The following ATE1 variants were observed in gnomAD, a reference collection of about 807,000 sequenced individuals.
ATE1 encodes the protein arginyl-tRNA--protein transferase 1.
ATE1 carries 36 observed loss-of-function variants against 70.5 expected under a neutral mutation model. The ratio of observed to expected loss-of-function variants is 0.51; its 90% CI spans 0.39 to 0.67. The LOEUF (loss-of-function observed/expected upper bound fraction) is 0.67. ATE1 is among the 30% of genes least tolerant of loss of function. The pLI is 0.00. For missense variants in ATE1, 593 were observed against 629.5 expected (o/e 0.94, Z 0.62); for synonymous variants, 232 against 219.3 (o/e 1.06, Z -0.51).
At chr10:121,780,188 C>T (rs1479227018) in intron 11 of ATE1, among the ~76,000 whole-genome samples, 1 of 152,226 alleles carries the variant, frequency 6.6e-6, no homozygotes, top group Non-Finnish European at 1.5e-5. Flanking sequence ...AACACCTTTA[C>T]TTCCACATGT....
chr10:121,838,660 G>C lies in ATE1; in HGVS notation c.1158-1843C>G, dbSNP rs542590566. 4.0e-3 allele frequency among the ~76,000 whole-genome samples: 606 copies of C among 152,254 alleles called. 2 individuals are homozygous for C. The highest frequency in any genetic ancestry group is 9.3e-3 in the African/African-American group (388 of 41,556). On this transcript the variant is annotated intron_variant, in intron 9 of 11. Coordinates refer to ENST00000224652, the MANE Select transcript of ATE1 (RefSeq NM_001001976.3). ...AGTGCTAGGGAGTATCTGAAATTAA[G>C]TTGTCTGTTTTATTATTTATGGTCT... is the stretch of plus-strand genomic sequence containing the variant.
chr10:121,914,530 C>A (rs1951566315), intron 3 of ATE1, among the ~76,000 whole-genome samples: 2 of 151,710 alleles, frequency 1.3e-5, no homozygotes, highest in Non-Finnish European at 2.9e-5. Context: ...AGCCAATTTT[C>A]TCTATATTAC....
At chr10:121,750,964 A>G (rs1944554151) in intron 11 of ATE1, among the ~76,000 whole-genome samples, 1 of 152,224 alleles carries the variant, frequency 6.6e-6, no homozygotes, top group Non-Finnish European at 1.5e-5. Context: ...AAATTTTTTA[A>G]TCTTTACGAG....
intron 11 of ATE1, among the ~76,000 whole-genome samples, chr10:121,768,158 G>A (rs1417847616): frequency 6.6e-6 from 1 of 152,196 alleles, no homozygotes; most frequent in Admixed American, 6.5e-5. Context: ...TATAGAGACA[G>A]AAAGTAGAAT....
In ATE1 at chr10:121,800,988, C is replaced by T. The variant is rs75557971; in HGVS notation, c.1258-10699G>A. On this transcript the variant is annotated intron_variant, in intron 10 of 11. Coordinates refer to ENST00000224652, the MANE Select transcript of ATE1 (RefSeq NM_001001976.3). Reference sequence around the variant, plus strand: ...TAAACAGAGATTGACTTTATCAGTCCCCAAGAGAGTGCTTTAGAAGTAACT... The same window carrying T: ...TAAACAGAGATTGACTTTATCAGTCTCCAAGAGAGTGCTTTAGAAGTAACT... Among the ~76,000 whole-genome samples, 180 of 152,188 alleles carry T rather than the reference C, an allele frequency of 1.2e-3. 1 individual carries two copies. The highest frequency in any genetic ancestry group is 1.8e-3 in the Non-Finnish European group (125 of 68,012).
intron 5 of ATE1, among the ~76,000 whole-genome samples, chr10:121,905,247 T>C (rs1199915454): frequency 6.6e-6 from 1 of 152,242 alleles, no homozygotes; most frequent in Non-Finnish European, 1.5e-5. Context: ...GGTTAACTAT[T>C]ATTATTAGCT....
intron 10 of ATE1, among the ~76,000 whole-genome samples, chr10:121,823,693 T>C (rs2133612866): frequency 6.6e-6 from 1 of 152,308 alleles, no homozygotes; most frequent in African/African-American, 2.4e-5. Context: ...AGGTTGGGAA[T>C]CAGGCACTAC....
intron 10 of ATE1, among the ~76,000 whole-genome samples, chr10:121,829,432 AC>A (rs1427712176): frequency 3.5e-5 from 5 of 142,574 alleles, no homozygotes; most frequent in South Asian, 2.5e-4. Context: ...CAAAAAGAAA[AC>A]AAAAAAAAAG....
chr10:121,794,225 T>C (rs1022630220), intron 10 of ATE1, among the ~76,000 whole-genome samples: 10 of 152,204 alleles, frequency 6.6e-5, no homozygotes, highest in Non-Finnish European at 1.3e-4. Context: ...TTTTAACATC[T>C]TGGAGATTTA....
chr10:121,909,100 C>T (rs1255497395), intron 5 of ATE1, among the ~76,000 whole-genome samples: 1 of 152,132 alleles, frequency 6.6e-6, no homozygotes, highest in Non-Finnish European at 1.5e-5. Context: ...GTGATCCTCC[C>T]ACCTCAGCCT....
At chr10:121,866,669 G>A (rs1338551439) in intron 8 of ATE1, among the ~76,000 whole-genome samples, 2 of 151,960 alleles carry the variant, frequency 1.3e-5, no homozygotes, top group Non-Finnish European at 2.9e-5. Flanking sequence ...CCAACATGGT[G>A]AAACCTGTCT....
chr10:121,845,731 G>A (rs143250318), intron 8 of ATE1, among the ~76,000 whole-genome samples: 3 of 152,142 alleles, frequency 2.0e-5, no homozygotes, highest in African/African-American at 7.2e-5. Flanking sequence ...GTTTCTTACA[G>A]TTACAGTGGG....
intron 3 of ATE1, among the ~76,000 whole-genome samples, chr10:121,917,739 T>C (rs1214027676): frequency 6.6e-6 from 1 of 152,180 alleles, no homozygotes; most frequent in African/African-American, 2.4e-5. Context: ...TCAAGATGAC[T>C]GCCTTAGGGG....
At chr10:121,802,587 G>A (rs562135973) in intron 10 of ATE1, among the ~76,000 whole-genome samples, 62 of 152,228 alleles carry the variant, frequency 4.1e-4, no homozygotes, top group African/African-American at 1.4e-3. Flanking sequence ...GGGATTACAG[G>A]CGTGAGCCAC....
intron 11 of ATE1, among the ~76,000 whole-genome samples, chr10:121,770,983 GAAAC>G (rs1216432717): frequency 3.9e-5 from 6 of 152,042 alleles, no homozygotes; most frequent in East Asian, 3.9e-4. Context: ...GGCGGGGGGA[GAAAC>G]AAACAAACCA....
At chr10:121,923,219 C>T (rs1951950940) in intron 2 of ATE1, among the ~76,000 whole-genome samples, 1 of 152,156 alleles carries the variant, frequency 6.6e-6, no homozygotes, top group South Asian at 2.1e-4. Context: ...ACCTATAATC[C>T]CAACACTTTG....
chr10:121,874,776 C>G (rs1399284083), intron 7 of ATE1, among the ~76,000 whole-genome samples: 2 of 152,112 alleles, frequency 1.3e-5, no homozygotes, highest in South Asian at 2.1e-4. Context: ...GAGGCCAAGG[C>G]AGGTGGATCA....
At chr10:121,907,468 A>AT (rs949979042) in intron 5 of ATE1, among the ~76,000 whole-genome samples, 4 of 151,716 alleles carry the variant, frequency 2.6e-5, no homozygotes, top group Admixed American at 2.0e-4. Flanking sequence ...GTGTCAAAAA[A>AT]AAATAAAGAA....
intron 5 of ATE1, among the ~76,000 whole-genome samples, chr10:121,905,579 C>T (rs7904223): frequency 0.28 from 42,520 of 152,046 alleles, 6,783 homozygotes; most frequent in South Asian, 0.43. Flanking sequence ...CAGTGGCTCA[C>T]GCCTGTAATC....
Sources: gnomAD v4.1 joint callset for allele counts (sites outside exome capture counted in the v4.1 genomes callset) on GRCh38, gnomAD v4.1.1 for gene constraint, MANE v1.5 for transcripts, NCBI Gene and HGNC (gene_info 2026-07-23, HGNC 2026-07-21) for gene names.